The following CHN1 variants were observed in gnomAD, a reference collection of about 807,000 sequenced individuals.
The protein encoded by CHN1 is N-chimaerin.
Under a neutral mutation model 59.5 loss-of-function variants are expected in CHN1, and 37 were observed. The ratio of observed to expected loss-of-function variants is 0.62; its 90% CI spans 0.48 to 0.82. The LOEUF (loss-of-function observed/expected upper bound fraction) is 0.82. CHN1 is among the 40% of genes least tolerant of loss of function. The pLI, the probability that CHN1 is intolerant of heterozygous loss-of-function variation, is 0.00. For missense variants in CHN1, 469 were observed against 571.0 expected (o/e 0.82, Z 1.82); for synonymous variants, 206 against 200.4 (o/e 1.03, Z -0.24).
At chr2:174,971,453 T>C (rs1358986587) in intron 1 of CHN1, among the ~76,000 whole-genome samples, 6 of 152,222 alleles carry the variant, frequency 3.9e-5, no homozygotes, top group Admixed American at 3.9e-4. Flanking sequence ...ATAACCCACA[T>C]AACAAATGCA....
intron 1 of CHN1, among the ~76,000 whole-genome samples, chr2:174,970,110 G>A (rs1403101665): frequency 1.3e-5 from 2 of 152,122 alleles, no homozygotes; most frequent in African/African-American, 4.8e-5. Context: ...TGATGAAGCA[G>A]TTTTAAAGTA....
chr2:174,878,046 C>T lies in CHN1; in HGVS notation c.343G>A (p.Asp115Asn), dbSNP rs376827050. The T allele has an allele frequency of 1.6e-5, 26 of 1,613,586 alleles. No homozygotes were observed. The highest frequency in any genetic ancestry group is 3.3e-5 in the South Asian group (3 of 91,044). Residue 115 changes from aspartate (D) to asparagine (N), a missense_variant, in exon 6 of 13, where the codon GAT becomes AAT. Asp to Asn is a conservative substitution (Grantham distance 23, BLOSUM62 1). This residue lies in a region of CHN1 where 152 missense variants were observed against 166.1 expected (regional missense o/e 0.92). Transcript: ENST00000409900. Reference sequence around the variant, plus strand: ...GTAATCAAGCCATCAGTCACCAGATCGTGGATGGACTCAAAGCGTTTCTCC... The same window carrying T: ...GTAATCAAGCCATCAGTCACCAGATTGTGGATGGACTCAAAGCGTTTCTCC... ...VGEKRFESIHDLVTDGLITLY... is the reference protein window; with the variant it reads ...VGEKRFESIHNLVTDGLITLY...
chr2:174,800,460 T>C (rs1220036275), intron 12 of CHN1, among the ~76,000 whole-genome samples, 173 bp from the exon 13 acceptor site: 1 of 152,234 alleles, frequency 6.6e-6, no homozygotes, highest in Non-Finnish European at 1.5e-5. Flanking sequence ...AAGTAAATTA[T>C]GTCAAGAGAT....
intron 5 of CHN1, among the ~76,000 whole-genome samples, chr2:174,884,132 C>G (rs901866586): frequency 2.6e-5 from 4 of 151,832 alleles, no homozygotes; most frequent in Admixed American, 6.6e-5. Flanking sequence ...CCATGCCTGC[C>G]TAATTTTTTT....
chr2:174,993,124 C>T (rs891916695), intron 1 of CHN1, among the ~76,000 whole-genome samples: 2 of 151,496 alleles, frequency 1.3e-5, no homozygotes, highest in Admixed American at 1.3e-4. Context: ...TTCCTCAACC[C>T]CCTACCCTTG....
At chr2:174,904,658 G>A (rs946152458) in intron 5 of CHN1, among the ~76,000 whole-genome samples, 8 of 152,142 alleles carry the variant, frequency 5.3e-5, no homozygotes, top group Non-Finnish European at 8.8e-5. Context: ...AAAGTGCTGC[G>A]ATTACAGGCA....
At chr2:174,975,285 T>C (rs1690885634) in intron 1 of CHN1, among the ~76,000 whole-genome samples, 1 of 152,204 alleles carries the variant, frequency 6.6e-6, no homozygotes, top group South Asian at 2.1e-4. Flanking sequence ...TTTTCATTTC[T>C]TAGATTTTTT....
intron 2 of CHN1, among the ~76,000 whole-genome samples, chr2:174,950,164 C>T (rs555526559): frequency 6.6e-6 from 1 of 152,182 alleles, no homozygotes; most frequent in East Asian, 1.9e-4. Context: ...GGGAGGATCA[C>T]TTGAGCCCAG....
At chr2:174,841,762 G>T (rs921444699) in intron 7 of CHN1, among the ~76,000 whole-genome samples, 4 of 151,678 alleles carry the variant, frequency 2.6e-5, no homozygotes, top group African/African-American at 9.7e-5. Flanking sequence ...TGTTTATGTT[G>T]GACACTCCTT....
chr2:174,880,607 T>C (rs2105336278), intron 5 of CHN1, among the ~76,000 whole-genome samples: 1 of 152,324 alleles, frequency 6.6e-6, no homozygotes, highest in Admixed American at 6.5e-5. Flanking sequence ...TTGCAGACTG[T>C]CATTTATTCA....
intron 1 of CHN1, among the ~76,000 whole-genome samples, chr2:174,998,189 G>C (rs1013974708): frequency 6.6e-6 from 1 of 150,672 alleles, no homozygotes; most frequent in Admixed American, 6.7e-5. Flanking sequence ...TATGGTCCCA[G>C]CTACTCAGAA....
At chr2:174,951,282 G>T (rs1256496627) in intron 2 of CHN1, among the ~76,000 whole-genome samples, 1 of 151,990 alleles carries the variant, frequency 6.6e-6, no homozygotes, top group East Asian at 1.9e-4. Flanking sequence ...GCCCAAAGTG[G>T]CAACCTATTA....
At chr2:174,845,119 AGTTT>A (rs1389379120) in intron 7 of CHN1, among the ~76,000 whole-genome samples, 3 of 152,154 alleles carry the variant, frequency 2.0e-5, no homozygotes, top group African/African-American at 7.2e-5. Flanking sequence ...ACACAAAAAG[AGTTT>A]GTTTATGCAA....
intron 8 of CHN1, among the ~76,000 whole-genome samples, chr2:174,816,029 T>C (rs1291830748): frequency 3.3e-5 from 5 of 152,138 alleles, no homozygotes; most frequent in Non-Finnish European, 5.9e-5. Context: ...GGGAGAGGTA[T>C]TGCAGGTAGG....
chr2:175,001,483 G>A (rs1691887454), intron 1 of CHN1, among the ~76,000 whole-genome samples: 1 of 152,232 alleles, frequency 6.6e-6, no homozygotes, highest in South Asian at 2.1e-4. Context: ...TGAATAAAGT[G>A]AGATAATGAA....
chr2:174,954,112 A>C (rs1690112857), intron 1 of CHN1, among the ~76,000 whole-genome samples: 2 of 152,220 alleles, frequency 1.3e-5, no homozygotes, highest in African/African-American at 2.4e-5. Context: ...CCAGTGAAAC[A>C]GAATAGAGAA....
chr2:174,959,877 T>C (rs757797055), intron 1 of CHN1, among the ~76,000 whole-genome samples: 38 of 152,250 alleles, frequency 2.5e-4, no homozygotes, highest in Admixed American at 2.0e-4. Context: ...CGGTGACTGC[T>C]GTGACCTGGG....
intron 8 of CHN1, among the ~76,000 whole-genome samples, chr2:174,817,706 C>T (rs1486593622): frequency 1.3e-5 from 2 of 149,822 alleles, no homozygotes; most frequent in Middle Eastern, 7.1e-3. Flanking sequence ...GGCGCGATCT[C>T]GGCTCACTGC....
chr2:174,863,886 C>T (rs1687137983), intron 6 of CHN1, among the ~76,000 whole-genome samples: 1 of 152,126 alleles, frequency 6.6e-6, no homozygotes, highest in Admixed American at 6.6e-5. Flanking sequence ...ATCGTCAGCA[C>T]TTTAATAAAA....
Sources: allele counts gnomAD v4.1 joint callset (sites outside exome capture counted in the v4.1 genomes callset), GRCh38; gene constraint gnomAD v4.1.1; regional missense constraint gnomAD v4.1.1; transcripts MANE v1.5; gene names NCBI Gene and HGNC (gene_info 2026-07-23, HGNC 2026-07-21).